PLPP1: variants seen among roughly 807,000 people sequenced by gnomAD.
PLPP1 encodes phospholipid phosphatase 1.
PLPP1 carries 24 observed loss-of-function variants against 31.2 expected under a neutral mutation model. The ratio of observed to expected loss-of-function variants is 0.77; its 90% CI spans 0.56 to 1.08. PLPP1 has a LOEUF of 1.08. Ranked by LOEUF, PLPP1 falls within the 50% of genes least tolerant of loss-of-function variation. PLPP1 has a pLI of 0.00. For synonymous variants in PLPP1, 146 were observed against 126.3 expected (o/e 1.16, Z -1.05); for missense variants, 319 against 342.7 (o/e 0.93, Z 0.55).
chr5:55,474,349 G>A (rs1191317480), intron 2 of PLPP1, among the ~76,000 whole-genome samples: 1 of 152,140 alleles, frequency 6.6e-6, no homozygotes, highest in Non-Finnish European at 1.5e-5. Context: ...GTTATGGTCA[G>A]CAGAGCCATG....
chr5:55,457,986 T>C (rs1481315519), intron 3 of PLPP1, among the ~76,000 whole-genome samples: 1 of 152,114 alleles, frequency 6.6e-6, no homozygotes, highest in African/African-American at 2.4e-5. Flanking sequence ...AGAGAAAAGA[T>C]TAGAGTTTTC....
chr5:55,493,495 T>C (rs769693242), intron 1 of PLPP1, among the ~76,000 whole-genome samples: 1 of 151,972 alleles, frequency 6.6e-6, no homozygotes, highest in African/African-American at 2.4e-5. Context: ...GTAATCCCAG[T>C]AACTCAGGAG....
At chr5:55,500,312 C>T (rs975569156) in intron 1 of PLPP1, among the ~76,000 whole-genome samples, 7 of 152,070 alleles carry the variant, frequency 4.6e-5, no homozygotes, top group Non-Finnish European at 5.9e-5. Flanking sequence ...ATCTCCTGAC[C>T]TCATGAACCC....
At position 55,468,103 on chromosome 5, in the gene PLPP1, G is replaced by C; in HGVS notation, c.257C>G (p.Ser86Ter). 1 of 1,612,192 alleles carries C rather than the reference G, an allele frequency of 6.2e-7. No homozygotes were observed. The highest frequency in any genetic ancestry group is 8.5e-7 in the Non-Finnish European group (1 of 1,178,798). ...TLSVYCNLLHSNSFIRNNYIA... is the reference protein window; with the variant it reads ...TLSVYCNLLH ...GTAGTTATTCCTGATAAAGGAATTT[G>C]AGTGCAAAAGGTTACAGTAAACAGA... Residue 86 changes from serine (S) to a stop codon, truncating the protein, a stop_gained, in exon 3 of 6, where the codon TCA (serine) becomes TGA (stop). Transcript: ENST00000307259. LOFTEE classifies it high-confidence loss of function.
At chr5:55,457,329 G>A (rs1419522526) in intron 3 of PLPP1, among the ~76,000 whole-genome samples, 1 of 151,990 alleles carries the variant, frequency 6.6e-6, no homozygotes, top group East Asian at 1.9e-4. Flanking sequence ...ATTTTAAATA[G>A]GTAAAAAGCC....
At chr5:55,524,807 T>TC (rs1458545728) in intron 1 of PLPP1, among the ~76,000 whole-genome samples, 4 of 151,386 alleles carry the variant, frequency 2.6e-5, no homozygotes, top group South Asian at 2.1e-4. Flanking sequence ...TGAAACTACG[T>TC]CCCCCCCCAA....
intron 1 of PLPP1, among the ~76,000 whole-genome samples, chr5:55,500,804 G>A (rs13154243): frequency 0.042 from 6,324 of 152,214 alleles, 197 homozygotes; most frequent in Non-Finnish European, 0.064. Flanking sequence ...GAAATAACGG[G>A]GGGAACAGGA....
intron 1 of PLPP1, among the ~76,000 whole-genome samples, chr5:55,527,584 C>T (rs1255727318): frequency 6.6e-6 from 1 of 152,188 alleles, no homozygotes; most frequent in Non-Finnish European, 1.5e-5. Context: ...TGGGTATTAT[C>T]AGTAGGGTCC....
chr5:55,472,760 A>AAGAG (rs1561236586), intron 2 of PLPP1, among the ~76,000 whole-genome samples: 2 of 4,752 alleles, frequency 4.2e-4, no homozygotes, highest in Non-Finnish European at 2.2e-3. Context: ...AGGAAGAGGA[A>AAGAG]GAAGAAGAGG....
At chr5:55,522,232 A>G (rs1036107709) in intron 1 of PLPP1, among the ~76,000 whole-genome samples, 7 of 152,246 alleles carry the variant, frequency 4.6e-5, no homozygotes, top group Non-Finnish European at 1.5e-5. Flanking sequence ...CTTTCCTGTG[A>G]AAACCTGAAA....
intron 1 of PLPP1, among the ~76,000 whole-genome samples, chr5:55,477,130 A>G (rs1752567996): frequency 6.6e-6 from 1 of 152,140 alleles, no homozygotes; most frequent in Non-Finnish European, 1.5e-5. Context: ...CTGATTCACC[A>G]AATAGTTTTC....
chr5:55,519,149 C>T (rs543581540), intron 1 of PLPP1, among the ~76,000 whole-genome samples: 33 of 152,238 alleles, frequency 2.2e-4, no homozygotes, highest in Non-Finnish European at 4.4e-4. Context: ...TGCATTCATA[C>T]TGTGGGACAT....
At chr5:55,440,988 CCTCCT>C (rs1413534290) in intron 4 of PLPP1, among the ~76,000 whole-genome samples, 1 of 151,902 alleles carries the variant, frequency 6.6e-6, no homozygotes, top group Non-Finnish European at 1.5e-5. Flanking sequence ...ATTTTCTAAC[CCTCCT>C]CTCTGTTCCC....
chr5:55,518,390 T>C (rs886617541), intron 1 of PLPP1, among the ~76,000 whole-genome samples: 1 of 151,482 alleles, frequency 6.6e-6, no homozygotes, highest in African/African-American at 2.4e-5. Flanking sequence ...AAAAAAAAAA[T>C]TGACACCCAG....
At chr5:55,494,460 C>T (rs1320861260) in intron 1 of PLPP1, among the ~76,000 whole-genome samples, 2 of 152,140 alleles carry the variant, frequency 1.3e-5, no homozygotes, top group African/African-American at 4.8e-5. Context: ...GGTGGAAGAA[C>T]ATTAGTTTAG....
chr5:55,461,156 C>G (rs1186637943), intron 3 of PLPP1, among the ~76,000 whole-genome samples: 2 of 152,298 alleles, frequency 1.3e-5, no homozygotes, highest in African/African-American at 4.8e-5. Context: ...GATCACGCCA[C>G]TGTACTCCAG....
chr5:55,531,101 C>A (rs1740655007), intron 1 of PLPP1, among the ~76,000 whole-genome samples: 1 of 152,144 alleles, frequency 6.6e-6, no homozygotes, highest in Admixed American at 6.5e-5. Flanking sequence ...ATAAAAAGAG[C>A]CAAAGACAGA....
intron 1 of PLPP1, among the ~76,000 whole-genome samples, chr5:55,498,456 G>A (rs1033340329): frequency 6.6e-6 from 1 of 152,000 alleles, no homozygotes; most frequent in Non-Finnish European, 1.5e-5. Context: ...AGCCTTTGTT[G>A]TATCTGCAAA....
intron 3 of PLPP1, among the ~76,000 whole-genome samples, chr5:55,448,529 C>T (rs978935278): frequency 1.7e-4 from 25 of 147,838 alleles, no homozygotes; most frequent in Non-Finnish European, 3.1e-4. Context: ...CTCACCACAA[C>T]CTCCACCTCC....
Sources: gnomAD v4.1 joint callset for allele counts (sites outside exome capture counted in the v4.1 genomes callset) on GRCh38, gnomAD v4.1.1 for gene constraint, MANE v1.5 for transcripts, NCBI Gene and HGNC (gene_info 2026-07-23, HGNC 2026-07-21) for gene names.